NOTCH3: variants seen among roughly 807,000 people sequenced by gnomAD.
NOTCH3 encodes the protein notch receptor 3, also known as neurogenic locus notch homolog protein 3.
NOTCH3 carries 86 observed loss-of-function variants against 213.3 expected under a neutral mutation model. The ratio of observed to expected loss-of-function variants is 0.40; its 90% confidence interval spans 0.34 to 0.48. The LOEUF (loss-of-function observed/expected upper bound fraction) is 0.48, where lower values mean the gene tolerates loss of function less well. NOTCH3 is among the 20% of genes least tolerant of loss of function. The pLI is 0.57. For synonymous variants in NOTCH3, 1,354 were observed against 1,355.9 expected, an observed-to-expected ratio of 1.00 and a Z score of 0.03; for missense variants, 2,783 against 3,272.6, an observed-to-expected ratio of 0.85 and a Z score of 3.65.
chr19:15,161,035 G>A lies in NOTCH3; in HGVS notation c.6593C>T (p.Pro2198Leu), dbSNP rs964234923. The change falls in exon 33 of 33, where the codon CCA becomes CTA. Residue 2198 changes from proline (P) to leucine (L), a missense_variant. Transcript: ENST00000263388. ...PLAPGPQLLN[P>L]GTPVSPQERP... ...CTCCTGCGGGGAGACGGGGGTCCCTGGGTTGAGCAGCTGGGGTCCCGGCGC... is the reference window on the plus strand; with the variant it reads ...CTCCTGCGGGGAGACGGGGGTCCCTAGGTTGAGCAGCTGGGGTCCCGGCGC... 1.3e-6 allele frequency: 2 copies of A among 1,539,854 alleles called. No homozygotes were observed. Among genetic ancestry groups the A allele is most frequent in the East Asian group, 2.4e-5 (1 of 41,962 alleles).
chr19:15,194,301 G>T (rs2046953363), intron 2 of NOTCH3, among the ~76,000 whole-genome samples: 1 of 152,150 alleles, frequency 6.6e-6, no homozygotes, highest in East Asian at 1.9e-4. Context: ...AGGAAGAGAA[G>T]AAGACAGAGA....
At chr19:15,164,043 G>A (rs1232415337) in intron 31 of NOTCH3, among the ~76,000 whole-genome samples, 3 of 152,118 alleles carry the variant, frequency 2.0e-5, no homozygotes, top group Non-Finnish European at 4.4e-5. Context: ...GCACAGGGCT[G>A]GACAGATGAG....
chr19:15,173,914 A>T (rs1316785272), intron 25 of NOTCH3, among the ~76,000 whole-genome samples, 154 bp downstream of exon 25: 2 of 152,210 alleles, frequency 1.3e-5, no homozygotes, highest in Non-Finnish European at 2.9e-5. Flanking sequence ...CACTAGCTCC[A>T]TCTGGAGGCA....
intron 28 of NOTCH3, among the ~76,000 whole-genome samples, chr19:15,167,756 T>C (rs1262105829): frequency 6.6e-6 from 1 of 152,128 alleles, no homozygotes; most frequent in African/African-American, 2.4e-5. Context: ...GGTTTCACCA[T>C]GTTGGCCAGG....
chr19:15,188,062 G>A (rs2046898549), intron 9 of NOTCH3, 68 bp from the exon 10 acceptor site: 6 of 1,283,586 alleles, frequency 4.7e-6, no homozygotes, highest in South Asian at 3.8e-5. Flanking sequence ...CTCCAGCCCC[G>A]CCTTGTTTGG....
At chr19:15,173,023 TCCTCCCCCTCCC>T (rs1227990125) in intron 25 of NOTCH3, among the ~76,000 whole-genome samples, 1 of 20,568 alleles carries the variant, frequency 4.9e-5, no homozygotes, top group Admixed American at 2.8e-4. Context: ...TTCTTCCTCT[TCCTCCCCCTCCC>T]CCTCCCCCTC....
intron 2 of NOTCH3, among the ~76,000 whole-genome samples, 199 bp downstream of exon 2, chr19:15,197,301 C>G (rs2046976225): frequency 6.6e-6 from 1 of 152,210 alleles, no homozygotes; most frequent in Non-Finnish European, 1.5e-5. Flanking sequence ...TGATGTGGGA[C>G]TTGAACCCAT....
chr19:15,173,115 T>C (rs868382697), intron 25 of NOTCH3, among the ~76,000 whole-genome samples: 30 of 93,994 alleles, frequency 3.2e-4, no homozygotes, highest in African/African-American at 2.1e-3. Context: ...TTTTTTTTTT[T>C]TTTTTTTTTT....
At chr19:15,169,078 G>A (rs1372926391) in intron 28 of NOTCH3, among the ~76,000 whole-genome samples, 2 of 151,466 alleles carry the variant, frequency 1.3e-5, no homozygotes, top group Non-Finnish European at 2.9e-5. Flanking sequence ...CAAGCCTGGT[G>A]AGATAGGGCC....
At position 15,170,435 on chromosome 19, in the gene NOTCH3, C is replaced by A. The variant is rs937296497; in HGVS notation, c.5010G>T (p.Glu1670Asp). The change falls in exon 27 of 33, where the codon GAG becomes GAT. Residue 1670 changes from glutamate to aspartate, a missense_variant. Physicochemically the swap from Glu to Asp is conservative, Grantham distance 45. This residue lies in a region of NOTCH3 where 636 missense variants were observed against 801.8 expected (regional missense o/e 0.79). Transcript: ENST00000263388. ...CCTCAGGGAACCAGAGGGTGCTGTG[C>A]TCGCGCTTGCGCCGGGCCACCATGA... ...LGVMVARRKR[E>D]HSTLWFPEGF... 6.2e-7 allele frequency: 1 copy of A among 1,611,898 alleles called. No homozygotes were observed.
chr19:15,177,090 A>AAAG (rs1354799636), intron 24 of NOTCH3, among the ~76,000 whole-genome samples: 2 of 141,970 alleles, frequency 1.4e-5, no homozygotes, highest in African/African-American at 5.8e-5. Context: ...AAAAAAAAAA[A>AAAG]AAAAGGAATT....
chr19:15,192,417 G>C lies in NOTCH3; in HGVS notation c.300C>G (p.Gly100=), dbSNP rs764852292. The C allele has an allele frequency of 4.3e-6, 7 of 1,612,064 alleles. No homozygotes were observed. Among genetic ancestry groups the C allele is most frequent in the Non-Finnish European group, 5.1e-6 (6 of 1,179,906 alleles). The change falls in exon 3 of 33, where the codon GGC becomes GGG. Residue 100 remains glycine, a synonymous_variant. Transcript: ENST00000263388. ...GGCACCGGCATGAGAATCGGGCGGT[G>C]CCAGCCACCACTGAACTCTGGCAGA... The part of the protein sequence containing the change: ...RGVCQSSVVA[G]TARFSCRCPR...
In NOTCH3 at chr19:15,160,894, A is replaced by G. The variant is rs1216245545; in HGVS notation, c.6734T>C (p.Leu2245Pro). The part of the protein sequence containing the change: ...FLRVPSEHPY[L>P]TPSPESPEHW... ...CTCAGGGGATTCGGGGGATGGGGTC[A>G]GGTAAGGGTGCTCACTGGGAACCCG... is the stretch of plus-strand genomic sequence containing the variant. Residue 2245 changes from leucine (L) to proline (P), a missense_variant, in exon 33 of 33, where the codon CTG becomes CCG. Around this residue, in one of 6 missense-constraint regions of NOTCH3, gnomAD observed 441 missense variants for 432.1 expected, o/e 1.02. Coordinates refer to ENST00000263388, the MANE Select transcript of NOTCH3 (RefSeq NM_000435.3). The G allele has an allele frequency of 2.5e-6, 4 of 1,612,254 alleles. No individual in the cohort carries two copies. Among genetic ancestry groups the G allele is most frequent in the Non-Finnish European group, 2.5e-6 (3 of 1,178,842 alleles).
chr19:15,192,323 T>A (rs1222898885), intron 3 of NOTCH3, 25 bp from the exon 4 acceptor site: 11 of 1,610,886 alleles, frequency 6.8e-6, no homozygotes, highest in Non-Finnish European at 9.3e-6. Flanking sequence ...ACAGGGTGAG[T>A]TTAGGACTGA....
chr19:15,185,740 A>G lies in NOTCH3; in HGVS notation c.1952-61T>C. The stretch of plus-strand genomic sequence containing the variant: ...AGTCAGCAGGGACAACCAGGGAGGG[A>G]CGACGTGACCCCACTTAGCACACCC... On this transcript the variant is annotated intron_variant, in intron 12 of 32. Coordinates refer to ENST00000263388, the MANE Select transcript of NOTCH3 (RefSeq NM_000435.3). The surrounding 1 kb of genome is among the most constrained non-coding windows in gnomAD (Gnocchi z 4.2). The G allele has an allele frequency of 6.4e-7, 1 of 1,551,850 alleles. No individual in the cohort carries two copies. Among genetic ancestry groups the G allele is most frequent in the Non-Finnish European group, 8.8e-7 (1 of 1,131,388 alleles).
chr19:15,179,527 G>C (rs978144662), intron 20 of NOTCH3, 31 bp from the exon 21 acceptor site: 1 of 1,612,294 alleles, frequency 6.2e-7, no homozygotes. Context: ...GACCCACTCA[G>C]CTTAGTGGGA....
At chr19:15,199,939 C>A (rs1040359442) in intron 1 of NOTCH3, among the ~76,000 whole-genome samples, 1 of 151,944 alleles carries the variant, frequency 6.6e-6, no homozygotes, top group African/African-American at 2.4e-5. Flanking sequence ...CCCGGCCCAG[C>A]CGCGGGTCCC....
chr19:15,185,817 T>G lies in NOTCH3; in HGVS notation c.1952-138A>C, dbSNP rs2145430764. ...CATAACGCATCAGCTCTTGTGCAGATTAGGACACCCGCCTCCTCAACCAAG... is the reference window on the plus strand; with the variant it reads ...CATAACGCATCAGCTCTTGTGCAGAGTAGGACACCCGCCTCCTCAACCAAG... On this transcript the variant is annotated intron_variant, in intron 12 of 32. Coordinates refer to ENST00000263388, the MANE Select transcript of NOTCH3 (RefSeq NM_000435.3). The surrounding 1 kb of genome is among the most constrained non-coding windows in gnomAD (Gnocchi z 4.2). 1.2e-6 allele frequency: 1 copy of G among 824,840 alleles called. No homozygotes were observed. Among genetic ancestry groups the G allele is most frequent in the Non-Finnish European group, 2.0e-6 (1 of 499,356 alleles). The allele number at this position is 824,840 out of a possible 1,614,324, so 51.1% of individuals were successfully genotyped here.
intron 32 of NOTCH3, 72 bp from the exon 33 acceptor site, chr19:15,161,786 G>A: frequency 7.4e-7 from 1 of 1,353,846 alleles, no homozygotes; most frequent in Non-Finnish European, 1.0e-6. Context: ...GCCTCTTGGG[G>A]GAGCCCGAGA....
Sources: gnomAD v4.1 joint callset for allele counts (sites outside exome capture counted in the v4.1 genomes callset) on GRCh38, gnomAD v4.1.1 for gene constraint, gnomAD v4.1.1 regional missense constraint, Gnocchi (gnomAD v3.1) non-coding constraint, MANE v1.5 for transcripts, NCBI Gene and HGNC (gene_info 2026-07-23, HGNC 2026-07-21) for gene names.